The following ZNF654 variants were observed in gnomAD, a reference collection of about 807,000 sequenced individuals.
The protein encoded by ZNF654 is melanoma-associated antigen.
A neutral mutation model predicts 95.3 loss-of-function variants in ZNF654; 19 were observed. The ratio of observed to expected loss-of-function variants is 0.20; its 90% confidence interval spans 0.14 to 0.29. The LOEUF is 0.29. Ranked by LOEUF, ZNF654 falls within the 10% of genes least tolerant of loss-of-function variation. The probability of loss-of-function intolerance (pLI) is 1.00; values close to 1 mark genes in which losing one functional copy is unlikely to be tolerated. For synonymous variants in ZNF654, 413 were observed against 457.9 expected (o/e 0.90, Z 1.25); for missense variants, 1,046 against 1,341.0 (o/e 0.78, Z 3.44).
chr3:88,096,996 A>G (rs1704102898), intron 2 of ZNF654, among the ~76,000 whole-genome samples: 1 of 152,176 alleles, frequency 6.6e-6, no homozygotes, highest in Non-Finnish European at 1.5e-5. Context: ...CAGCATAGAA[A>G]GAACACTGGT....
At position 88,116,417 on chromosome 3, in the gene ZNF654, G is replaced by A. The variant is rs564512141; in HGVS notation, c.414+3221G>A. Among the ~76,000 whole-genome samples, 1,216 of 152,112 alleles carry A rather than the reference G, an allele frequency of 8.0e-3. 23 individuals carry two copies. Among genetic ancestry groups the A allele is most frequent in the African/African-American group, 0.028 (1,154 of 41,484 alleles). On this transcript the variant is annotated intron_variant, in intron 3 of 8. Transcript: ENST00000636215. ...TGCCTGTAATCCCAGCTACTTGGGA[G>A]GCTGAGGCAGGAGAATCGCTTGAAC... is the stretch of plus-strand genomic sequence containing the variant.
At chr3:88,099,787 A>C (rs1421357318) in intron 2 of ZNF654, among the ~76,000 whole-genome samples, 2 of 152,080 alleles carry the variant, frequency 1.3e-5, no homozygotes, top group East Asian at 1.9e-4. Context: ...AAAGCTGAAA[A>C]TGGGTCCCTT....
At chr3:88,102,423 A>G (rs1205393329) in intron 2 of ZNF654, among the ~76,000 whole-genome samples, 4 of 152,292 alleles carry the variant, frequency 2.6e-5, no homozygotes, top group Admixed American at 1.3e-4. Flanking sequence ...GTTATCTTCT[A>G]TAATGTCAAA....
intron 2 of ZNF654, among the ~76,000 whole-genome samples, chr3:88,094,323 G>A (rs1483131751): frequency 6.6e-6 from 1 of 151,952 alleles, no homozygotes; most frequent in Non-Finnish European, 1.5e-5. Context: ...TCTTTTCCCC[G>A]GTAATTTTGG....
chr3:88,129,868 C>A, intron 6 of ZNF654, 42 bp downstream of exon 6: 2 of 1,344,812 alleles, frequency 1.5e-6, no homozygotes, highest in South Asian at 2.0e-5. Flanking sequence ...GTAAGATGGG[C>A]AACAGAAAGG....
chr3:88,087,107 G>A (rs539713040), intron 2 of ZNF654, among the ~76,000 whole-genome samples: 59 of 148,222 alleles, frequency 4.0e-4, no homozygotes, highest in Admixed American at 6.7e-4. Context: ...TTGAGACAGA[G>A]TCTCTCTGTC....
chr3:88,075,126 A>T (rs1324510738), intron 1 of ZNF654, among the ~76,000 whole-genome samples: 1 of 152,162 alleles, frequency 6.6e-6, no homozygotes, highest in South Asian at 2.1e-4. Flanking sequence ...TATTTCCATC[A>T]TATTAAAAGC....
intron 3 of ZNF654, among the ~76,000 whole-genome samples, chr3:88,124,342 G>A (rs539333280): frequency 2.2e-4 from 34 of 152,214 alleles, no homozygotes; most frequent in African/African-American, 7.9e-4. Flanking sequence ...TTGCTTGATT[G>A]CTTAATTTGG....
At chr3:88,119,664 ATATT>A (rs1298298872) in intron 3 of ZNF654, among the ~76,000 whole-genome samples, 3 of 151,978 alleles carry the variant, frequency 2.0e-5, no homozygotes, top group African/African-American at 7.3e-5. Context: ...ATCAAATTTT[ATATT>A]TATTTCTTTG....
intron 6 of ZNF654, among the ~76,000 whole-genome samples, chr3:88,132,475 A>G (rs376392038): frequency 7.2e-4 from 109 of 152,286 alleles, no homozygotes; most frequent in Non-Finnish European, 1.2e-3. Flanking sequence ...AAGACTGTCA[A>G]TGGTTTTCAG....
At chr3:88,108,020 T>C (rs978173220) in intron 2 of ZNF654, among the ~76,000 whole-genome samples, 2 of 152,092 alleles carry the variant, frequency 1.3e-5, no homozygotes, top group African/African-American at 4.8e-5. Context: ...TTGTATTTTC[T>C]AGAATAAATT....
chr3:88,106,897 T>A (rs1704775333), intron 2 of ZNF654, among the ~76,000 whole-genome samples: 1 of 152,196 alleles, frequency 6.6e-6, no homozygotes, highest in Non-Finnish European at 1.5e-5. Context: ...GAGATGCTGT[T>A]TTTATCGTAT....
intron 2 of ZNF654, among the ~76,000 whole-genome samples, chr3:88,108,951 A>G (rs1344790203): frequency 2.6e-5 from 4 of 152,186 alleles, no homozygotes; most frequent in African/African-American, 9.7e-5. Flanking sequence ...TCAAACCGCA[A>G]AATTTAAAGC....
chr3:88,065,892 C>G (rs563668097), intron 1 of ZNF654, among the ~76,000 whole-genome samples: 1 of 152,036 alleles, frequency 6.6e-6, no homozygotes, highest in Non-Finnish European at 1.5e-5. Flanking sequence ...CACCACCATG[C>G]CCGGCTAAAT....
At chr3:88,122,381 C>CT (rs1705822712) in intron 3 of ZNF654, among the ~76,000 whole-genome samples, 4 of 152,158 alleles carry the variant, frequency 2.6e-5, no homozygotes, top group Admixed American at 2.6e-4. Flanking sequence ...TGATAAACTG[C>CT]TGACGGATCC....
chr3:88,074,072 A>G (rs1391683742), intron 1 of ZNF654, among the ~76,000 whole-genome samples: 1 of 152,180 alleles, frequency 6.6e-6, no homozygotes, highest in Admixed American at 6.5e-5. Context: ...GTCCACAAAA[A>G]TAAGAATCTA....
Position 88,139,636 on chromosome 3 carries a change from A to G in ZNF654, c.1967A>G (p.Glu656Gly). The G allele has an allele frequency of 6.2e-7, 1 of 1,613,296 alleles. No homozygotes were observed. Among genetic ancestry groups the G allele is most frequent in the Non-Finnish European group, 8.5e-7 (1 of 1,179,568 alleles). ...SSEGNKEVIP[E>G]HVAEFIEIPI... The stretch of plus-strand genomic sequence containing the variant: ...GAAGGAAACAAAGAAGTCATCCCTG[A>G]GCATGTGGCTGAATTCATTGAAATT... The change falls in exon 8 of 9, where the codon GAG becomes GGG. Residue 656 changes from glutamate (E) to glycine (G), a missense_variant. Around this residue, in one of 9 missense-constraint regions of ZNF654, gnomAD observed 495 missense variants for 537.0 expected, o/e 0.92. Transcript: ENST00000636215.
intron 7 of ZNF654, among the ~76,000 whole-genome samples, chr3:88,136,693 CTGTG>C (rs916259181): frequency 3.3e-5 from 5 of 151,972 alleles, no homozygotes; most frequent in African/African-American, 1.2e-4. Flanking sequence ...ATGGCAGAGA[CTGTG>C]TGTGTTAGGA....
intron 1 of ZNF654, among the ~76,000 whole-genome samples, chr3:88,084,477 T>C (rs375826693): frequency 2.0e-5 from 3 of 152,332 alleles, no homozygotes; most frequent in Admixed American, 1.3e-4. Flanking sequence ...TTTTAGTCTG[T>C]AGTGATGACC....
Sources: allele counts gnomAD v4.1 joint callset (sites outside exome capture counted in the v4.1 genomes callset), GRCh38; gene constraint gnomAD v4.1.1; regional missense constraint gnomAD v4.1.1; transcripts MANE v1.5; gene names NCBI Gene and HGNC (gene_info 2026-07-23, HGNC 2026-07-21).